The following GALNT13 variants were observed in gnomAD, a reference collection of about 807,000 sequenced individuals.
GALNT13 encodes UDP-GalNAc:polypeptide N-acetylgalactosaminyltransferase 13.
GALNT13 carries 28 observed loss-of-function variants against 64.2 expected under a neutral mutation model. The ratio of observed to expected loss-of-function variants is 0.44; its 90% CI spans 0.32 to 0.60. The LOEUF is 0.60. Ranked by LOEUF, GALNT13 falls within the 20% of genes least tolerant of loss-of-function variation. GALNT13 has a pLI of 0.05. For missense variants in GALNT13, 577 were observed against 669.8 expected (o/e 0.86, Z 1.53); for synonymous variants, 214 against 224.6 (o/e 0.95, Z 0.42).
At chr2:153,616,051 A>G in the GALNT13 span, among the ~76,000 whole-genome samples, 3 of 152,178 alleles carry the variant, frequency 2.0e-5, no homozygotes, top group Non-Finnish European at 2.9e-5. Context: ...TTCTTGTAGT[A>G]TCTTCATAGG....
intron 3 of GALNT13, among the ~76,000 whole-genome samples, chr2:154,029,088 G>A (rs1181889115): frequency 1.3e-5 from 2 of 151,402 alleles, no homozygotes; most frequent in South Asian, 2.1e-4. Context: ...ATTGACTGCA[G>A]ATATGAGGGG....
intron 3 of GALNT13, among the ~76,000 whole-genome samples, chr2:154,063,579 G>T (rs1338827177): frequency 6.6e-6 from 1 of 152,016 alleles, no homozygotes; most frequent in Non-Finnish European, 1.5e-5. Context: ...TAATTTATTT[G>T]GAAGGGTGTG....
chr2:153,870,203 A>G (rs1457484722), upstream of GALNT13, among the ~76,000 whole-genome samples: 1 of 152,162 alleles, frequency 6.6e-6, no homozygotes, highest in East Asian at 1.9e-4. Context: ...AAAAGCCAAT[A>G]CTTTCTAGGG....
chr2:153,766,501 T>G, the GALNT13 span, among the ~76,000 whole-genome samples: 1 of 152,164 alleles, frequency 6.6e-6, no homozygotes, highest in African/African-American at 2.4e-5. Context: ...TATGCATGGA[T>G]TAGGCCTCTT....
At chr2:153,720,372 A>T in the GALNT13 span, among the ~76,000 whole-genome samples, 4 of 150,808 alleles carry the variant, frequency 2.7e-5, no homozygotes, top group African/African-American at 7.4e-5. Flanking sequence ...AAAACAGAGC[A>T]GAAAAACTGG....
chr2:154,065,337 G>T, intron 3 of GALNT13, among the ~76,000 whole-genome samples: 1 of 152,144 alleles, frequency 6.6e-6, no homozygotes, highest in East Asian at 1.9e-4. Flanking sequence ...AGCCTGGCTG[G>T]CTTTGCTGTC....
the GALNT13 span, among the ~76,000 whole-genome samples, chr2:153,258,180 G>A: frequency 2.6e-5 from 4 of 152,044 alleles, no homozygotes; most frequent in African/African-American, 9.7e-5. Context: ...ATTCTTATTG[G>A]GCTTTATGCA....
chr2:153,104,698 A>T, the GALNT13 span, among the ~76,000 whole-genome samples: 2 of 152,162 alleles, frequency 1.3e-5, no homozygotes, highest in African/African-American at 4.8e-5. Context: ...TTGACTAGAT[A>T]TATAAACATG....
intron 3 of GALNT13, among the ~76,000 whole-genome samples, chr2:154,021,659 T>G (rs1299172558): frequency 6.6e-6 from 1 of 151,900 alleles, no homozygotes; most frequent in Non-Finnish European, 1.5e-5. Context: ...AGGGACAATT[T>G]GACTTTCTCT....
the GALNT13 span, among the ~76,000 whole-genome samples, chr2:153,237,532 G>T: frequency 6.6e-6 from 1 of 151,740 alleles, no homozygotes; most frequent in Non-Finnish European, 1.5e-5. Flanking sequence ...CTATGAGTTC[G>T]ATTATTTTAA....
At chr2:153,764,908 A>C in the GALNT13 span, among the ~76,000 whole-genome samples, 12 of 152,226 alleles carry the variant, frequency 7.9e-5, no homozygotes, top group Non-Finnish European at 8.8e-5. Context: ...CAGAGGGTGC[A>C]GGTGCAAGAC....
the GALNT13 span, among the ~76,000 whole-genome samples, chr2:153,428,490 A>G: frequency 6.6e-6 from 1 of 152,180 alleles, no homozygotes; most frequent in Non-Finnish European, 1.5e-5. Flanking sequence ...TCTTCCCATC[A>G]GGCCCCACCT....
chr2:153,380,704 T>A, the GALNT13 span, among the ~76,000 whole-genome samples: 1 of 152,102 alleles, frequency 6.6e-6, no homozygotes, highest in Non-Finnish European at 1.5e-5. Flanking sequence ...GTCTTGAATC[T>A]CATGCTAAGG....
chr2:153,715,557 AC>A, the GALNT13 span, among the ~76,000 whole-genome samples: 2 of 152,260 alleles, frequency 1.3e-5, no homozygotes, highest in Admixed American at 6.5e-5. Flanking sequence ...AACACAAAGC[AC>A]TTTGAAAACA....
the GALNT13 span, among the ~76,000 whole-genome samples, chr2:153,351,290 C>A: frequency 6.6e-6 from 1 of 152,122 alleles, no homozygotes; most frequent in South Asian, 2.1e-4. Flanking sequence ...AAAGTTGCAT[C>A]TGAATTTTCT....
chr2:154,149,952 G>T lies in GALNT13; in HGVS notation c.311+9447G>T, dbSNP rs575396409. On this transcript the variant is annotated intron_variant, in intron 4 of 12. Coordinates refer to ENST00000392825, the MANE Select transcript of GALNT13 (RefSeq NM_052917.4). ...CCTGCCTGATTTCCCTGGCCAGAAC[G>T]TCCAACACTATGTTGAATAGGAGTG... Among the ~76,000 whole-genome samples the T allele has an allele frequency of 7.8e-4, 118 of 152,154 alleles. No individual in the cohort carries two copies. The South Asian group carries it at 0.012, about 16-fold the overall frequency.
the GALNT13 span, among the ~76,000 whole-genome samples, chr2:153,556,255 G>GA: frequency 2.6e-5 from 4 of 151,510 alleles, no homozygotes; most frequent in East Asian, 1.9e-4. Context: ...TATTTTAAAA[G>GA]AAAAAAAATG....
At chr2:153,295,360 G>A in the GALNT13 span, among the ~76,000 whole-genome samples, 1 of 152,092 alleles carries the variant, frequency 6.6e-6, no homozygotes. Context: ...TGATGCCTAA[G>A]AGATGTTAAA....
intron 9 of GALNT13, among the ~76,000 whole-genome samples, chr2:154,316,306 C>CA (rs1251861440): frequency 1.3e-5 from 2 of 151,964 alleles, no homozygotes; most frequent in Non-Finnish European, 2.9e-5. Flanking sequence ...CTGTCGTTAA[C>CA]AAAAACAGAG....
Sources: gnomAD v4.1 joint callset for allele counts (sites outside exome capture counted in the v4.1 genomes callset) on GRCh38, gnomAD v4.1.1 for gene constraint, MANE v1.5 for transcripts, NCBI Gene and HGNC (gene_info 2026-07-23, HGNC 2026-07-21) for gene names.